ZNF600: variants seen among roughly 807,000 people sequenced by gnomAD.
The protein encoded by ZNF600 is zinc finger protein KR-ZNF1.
A neutral mutation model predicts 7.3 loss-of-function variants in ZNF600; 4 were observed. The observed-to-expected ratio is 0.55, with a 90% CI of 0.27 to 1.25. The LOEUF (loss-of-function observed/expected upper bound fraction) is 1.25. Among genes scored for constraint, ZNF600 ranks in the 50% most tolerant of loss-of-function variants. The pLI, the probability that ZNF600 is intolerant of heterozygous loss-of-function variation, is 0.12. For synonymous variants in ZNF600, 290 were observed against 308.9 expected (o/e 0.94, Z 0.64); for missense variants, 911 against 922.1 (o/e 0.99, Z 0.16).
chr19:52,808,104 T>C, the ZNF600 span: 1 of 1,613,296 alleles, frequency 6.2e-7, no homozygotes, highest in African/African-American at 1.3e-5. Context: ...GAGAGAATTC[T>C]ATGGCCACGT....
the ZNF600 span, chr19:52,807,910 G>A: frequency 4.9e-5 from 76 of 1,564,290 alleles, 1 homozygote; most frequent in African/African-American, 2.0e-4. Flanking sequence ...AAATCAATAC[G>A]GCTTCCATTT....
chr19:52,772,733 A>C (rs1396801539), intron 3 of ZNF600, among the ~76,000 whole-genome samples: 2 of 152,230 alleles, frequency 1.3e-5, no homozygotes, highest in Non-Finnish European at 2.9e-5. Flanking sequence ...GTGAGGGACA[A>C]GACTTGATCC....
chr19:52,802,393 A>C, the ZNF600 span, among the ~76,000 whole-genome samples: 1 of 152,014 alleles, frequency 6.6e-6, no homozygotes, highest in Non-Finnish European at 1.5e-5. Context: ...CAAACAACAA[A>C]AAAAGGCAGG....
At chr19:52,810,454 C>T in the ZNF600 span, 3 of 1,596,772 alleles carry the variant, frequency 1.9e-6, no homozygotes, top group South Asian at 3.3e-5. Flanking sequence ...ATAGAGTTCT[C>T]AAAGAGTCAG....
rs190412953 is a variant in ZNF600 at position 52,772,041 on chromosome 19, T to C, written c.190+2534A>G. Among the ~76,000 whole-genome samples, 200 of 152,336 alleles carry C rather than the reference T, an allele frequency of 1.3e-3. 1 individual carries two copies. Among genetic ancestry groups the C allele is most frequent in the African/African-American group, 4.6e-3 (190 of 41,566 alleles). On this transcript the variant is annotated intron_variant, in intron 3 of 3. Coordinates refer to ENST00000648973, the Ensembl canonical transcript of ZNF600. ...AGTTGAGTGTGTACTATAAAACTTA[T>C]ATGAAGCCATCTAATAGTATTCACT...
At chr19:52,799,350 C>A in the ZNF600 span, 28 of 525,220 alleles carry the variant, frequency 5.3e-5, no homozygotes, top group Non-Finnish European at 9.1e-5. Context: ...AACCTTACAT[C>A]TGTGTGGTTT....
At chr19:52,787,510 C>A (rs187274109), upstream of ZNF600, among the ~76,000 whole-genome samples, 102 of 148,770 alleles carry the variant, frequency 6.9e-4, no homozygotes, top group Middle Eastern at 7.0e-3. Flanking sequence ...GGGTTCACGC[C>A]CTTCTCCTGC....
rs140889768 is a variant in ZNF600 at position 52,766,425 on chromosome 19, T to G, written c.1538A>C (p.Tyr513Ser). The G allele has an allele frequency of 4.2e-5, 68 of 1,613,816 alleles. No homozygotes were observed. The highest frequency in any genetic ancestry group is 5.6e-5 in the Non-Finnish European group (66 of 1,179,990). Residue 513 changes from tyrosine to serine, a missense_variant, in exon 4 of 4, where the codon TAT becomes TCT. Physicochemically the swap from Tyr to Ser is moderately radical, Grantham distance 144 (BLOSUM62 -2). Coordinates refer to ENST00000648973, the Ensembl canonical transcript of ZNF600. Reference sequence around the variant, plus strand: ...ACTGAAAACCTTTTCACATTCTTCATATTTGTAAGGTTGCTCTCCAGTATG... The same window carrying G: ...ACTGAAAACCTTTTCACATTCTTCAGATTTGTAAGGTTGCTCTCCAGTATG...
the ZNF600 span, among the ~76,000 whole-genome samples, chr19:52,804,121 T>G: frequency 6.6e-6 from 1 of 152,166 alleles, no homozygotes; most frequent in African/African-American, 2.4e-5. Flanking sequence ...AAAGAGCGTG[T>G]TGCCTGTTCC....
At chr19:52,797,875 C>G in the ZNF600 span, 4 of 152,134 alleles carry the variant, frequency 2.6e-5, no homozygotes. Context: ...ATAATCTCAG[C>G]ACTTCGGGAG....
At chr19:52,788,442 A>C (rs184174796), upstream of ZNF600, among the ~76,000 whole-genome samples, 1 of 152,088 alleles carries the variant, frequency 6.6e-6, no homozygotes, top group Non-Finnish European at 1.5e-5. Context: ...AAAATACGAG[A>C]TTTAATTTTT....
intron 1 of ZNF600, among the ~76,000 whole-genome samples, chr19:52,780,063 CTG>C (rs1295809654): frequency 6.6e-6 from 1 of 152,120 alleles, no homozygotes; most frequent in Non-Finnish European, 1.5e-5. Context: ...CCACATTTCT[CTG>C]TGACCTGGAA....
chr19:52,767,925 A>G (rs1420833140), intron 3 of ZNF600, among the ~76,000 whole-genome samples, 153 bp from the exon 6 acceptor site: 1 of 152,190 alleles, frequency 6.6e-6, no homozygotes, highest in Non-Finnish European at 1.5e-5. Flanking sequence ...AGATTCTTTA[A>G]TAAACAAGGG....
intron 3 of ZNF600, among the ~76,000 whole-genome samples, chr19:52,770,268 C>T (rs944587153): frequency 5.9e-5 from 9 of 151,980 alleles, no homozygotes; most frequent in African/African-American, 2.2e-4. Flanking sequence ...GGGGAAACCC[C>T]ATCTCTACTA....
At chr19:52,790,076 C>T (rs551682072), upstream of ZNF600, among the ~76,000 whole-genome samples, 2 of 152,150 alleles carry the variant, frequency 1.3e-5, no homozygotes, top group Admixed American at 6.5e-5. Flanking sequence ...GCCATTTACA[C>T]TTCTTTTGTG....
At chr19:52,817,776 A>T in the ZNF600 span, among the ~76,000 whole-genome samples, 1 of 152,098 alleles carries the variant, frequency 6.6e-6, no homozygotes, top group African/African-American at 2.4e-5. Context: ...TCACTGGGTC[A>T]CCAGAGATGG....
chr19:52,791,218 C>G (rs374272401), upstream of ZNF600, among the ~76,000 whole-genome samples: 1 of 152,240 alleles, frequency 6.6e-6, no homozygotes, highest in Non-Finnish European at 1.5e-5. Context: ...GGCTGTGCAG[C>G]AGCACTGACA....
At chr19:52,769,208 A>T (rs1031368973) in intron 3 of ZNF600, among the ~76,000 whole-genome samples, 8 of 152,052 alleles carry the variant, frequency 5.3e-5, no homozygotes, top group Admixed American at 1.3e-4. Flanking sequence ...ACTCTCCTCC[A>T]CCACCTCTTG....
At chr19:52,831,182 T>C in the ZNF600 span, among the ~76,000 whole-genome samples, 948 of 152,246 alleles carry the variant, frequency 6.2e-3, 20 homozygotes, top group African/African-American at 0.021. Flanking sequence ...AGTGCAGCAA[T>C]GAAGGAGACC....
Sources: allele counts gnomAD v4.1 joint callset (sites outside exome capture counted in the v4.1 genomes callset), GRCh38; gene constraint gnomAD v4.1.1; transcripts MANE v1.5; gene names NCBI Gene and HGNC (gene_info 2026-07-23, HGNC 2026-07-21).